Variants in LRMDA observed in about 807,000 individuals in gnomAD.
LRMDA encodes the protein leucine rich melanocyte differentiation associated.
Under a neutral mutation model 29.8 loss-of-function variants are expected in LRMDA, and 18 were observed. The observed-to-expected ratio is 0.60, with a 90% CI of 0.42 to 0.90. The LOEUF is 0.90. Ranked by LOEUF, LRMDA falls within the 40% of genes least tolerant of loss-of-function variation. The pLI, the probability that LRMDA is intolerant of heterozygous loss-of-function variation, is 0.00. For missense variants in LRMDA, 273 were observed against 273.9 expected (o/e 1.00, Z 0.02); for synonymous variants, 125 against 109.4 (o/e 1.14, Z -0.89).
chr10:76,162,507 C>A (rs544637887), intron 5 of LRMDA, among the ~76,000 whole-genome samples: 12 of 152,228 alleles, frequency 7.9e-5, no homozygotes, highest in African/African-American at 2.6e-4. Context: ...ACACAGCCAT[C>A]GGCTTCTGGG....
At chr10:75,520,764 C>G (rs1205607033) in intron 2 of LRMDA, among the ~76,000 whole-genome samples, 3 of 152,186 alleles carry the variant, frequency 2.0e-5, no homozygotes, top group Non-Finnish European at 2.9e-5. Flanking sequence ...AAGAGGTGCT[C>G]TGGTTTTTAG....
At chr10:75,575,588 C>CA (rs1840493402) in intron 2 of LRMDA, among the ~76,000 whole-genome samples, 1 of 152,156 alleles carries the variant, frequency 6.6e-6, no homozygotes, top group South Asian at 2.1e-4. Context: ...TCAGGATGGC[C>CA]AAATAGGAAC....
intron 6 of LRMDA, among the ~76,000 whole-genome samples, chr10:76,447,892 G>A (rs1036317329): frequency 6.6e-6 from 1 of 152,096 alleles, no homozygotes; most frequent in Non-Finnish European, 1.5e-5. Context: ...TACTTTTCCA[G>A]TGTATAAGAG....
chr10:75,697,850 T>TGTGTGTGTGTGTGCACGC lies in LRMDA; in HGVS notation c.131+259357_131+259358insTGTGTGTGTGTGCACGCG, dbSNP rs10664076. On this transcript the variant is annotated intron_variant, in intron 2 of 6. Transcript: ENST00000611255. ...GCATGTAAGAGTGTGTGTGTGTGTG[T>TGTGTGTGTGTGTGCACGC]GCGTGTGTGTGTGTGTCTCATTCGC... Among the ~76,000 whole-genome samples the TGTGTGTGTGTGTGCACGC allele has an allele frequency of 2.0e-3, 310 of 151,702 alleles. 1 individual carries two copies. The highest frequency in any genetic ancestry group is 5.7e-3 in the African/African-American group (235 of 41,204).
chr10:76,224,251 A>G (rs1261181456), intron 5 of LRMDA, among the ~76,000 whole-genome samples: 1 of 151,812 alleles, frequency 6.6e-6, no homozygotes, highest in Non-Finnish European at 1.5e-5. Context: ...CACTTGAGGA[A>G]CTGGGTATGT....
intron 2 of LRMDA, among the ~76,000 whole-genome samples, chr10:75,785,490 T>A (rs1430573065): frequency 6.6e-6 from 1 of 152,198 alleles, no homozygotes; most frequent in Non-Finnish European, 1.5e-5. Context: ...ATGGCTATAT[T>A]TGAGAATTTC....
chr10:75,866,280 G>A (rs987201038), intron 2 of LRMDA, among the ~76,000 whole-genome samples: 1 of 152,212 alleles, frequency 6.6e-6, no homozygotes, highest in South Asian at 2.1e-4. Context: ...GCACAGAATT[G>A]TGGCACAGCA....
intron 5 of LRMDA, among the ~76,000 whole-genome samples, chr10:76,282,108 A>G (rs1368296703): frequency 6.6e-6 from 1 of 152,196 alleles, no homozygotes; most frequent in Non-Finnish European, 1.5e-5. Flanking sequence ...TATTTTGTGT[A>G]AATCTGTCGG....
chr10:75,643,611 AC>A (rs2132121265), intron 2 of LRMDA, among the ~76,000 whole-genome samples: 1 of 152,306 alleles, frequency 6.6e-6, no homozygotes, highest in Admixed American at 6.5e-5. Context: ...GATGTGTGAT[AC>A]CCATCTTTGG....
chr10:75,790,719 G>A (rs998449984), intron 2 of LRMDA, among the ~76,000 whole-genome samples: 16 of 152,320 alleles, frequency 1.1e-4, no homozygotes, highest in Admixed American at 7.2e-4. Flanking sequence ...TGTGGAGAAC[G>A]TGAACCAGTC....
chr10:75,809,390 T>C (rs1843916708), intron 2 of LRMDA, among the ~76,000 whole-genome samples: 3 of 152,186 alleles, frequency 2.0e-5, no homozygotes, highest in Admixed American at 2.0e-4. Context: ...ATGCCTGTAA[T>C]CCCAGCACTT....
At chr10:75,544,187 A>G (rs1840051102) in intron 2 of LRMDA, among the ~76,000 whole-genome samples, 1 of 152,230 alleles carries the variant, frequency 6.6e-6, no homozygotes, top group Non-Finnish European at 1.5e-5. Flanking sequence ...GAGAAAAGAT[A>G]CAGATTAGTA....
chr10:75,575,195 A>G (rs772387023), intron 2 of LRMDA, among the ~76,000 whole-genome samples: 4 of 152,204 alleles, frequency 2.6e-5, no homozygotes, highest in Admixed American at 2.0e-4. Context: ...CCCTGCCTAC[A>G]GCATTTGAGA....
At chr10:75,996,583 G>C (rs751783555) in intron 2 of LRMDA, among the ~76,000 whole-genome samples, 53 of 152,282 alleles carry the variant, frequency 3.5e-4, no homozygotes, top group African/African-American at 1.3e-3. Context: ...CAAATGTTTC[G>C]ATACTAGCAA....
chr10:75,738,697 A>G (rs1842794791), intron 2 of LRMDA, among the ~76,000 whole-genome samples: 1 of 152,192 alleles, frequency 6.6e-6, no homozygotes, highest in South Asian at 2.1e-4. Context: ...CAAGTGCCCC[A>G]CGTTTGCCTG....
At chr10:75,837,067 T>C (rs1337626170) in intron 2 of LRMDA, among the ~76,000 whole-genome samples, 1 of 152,194 alleles carries the variant, frequency 6.6e-6, no homozygotes, top group Non-Finnish European at 1.5e-5. Context: ...TATATTGATA[T>C]ACTGATATTG....
intron 6 of LRMDA, among the ~76,000 whole-genome samples, chr10:76,382,013 T>C (rs1841598834): frequency 6.6e-6 from 1 of 152,206 alleles, no homozygotes; most frequent in African/African-American, 2.4e-5. Context: ...ATAGAAACGT[T>C]GTCCATCATG....
intron 6 of LRMDA, among the ~76,000 whole-genome samples, chr10:76,540,778 T>C (rs1589230501): frequency 6.6e-6 from 1 of 152,312 alleles, no homozygotes; most frequent in Non-Finnish European, 1.5e-5. Context: ...AGCATGTGTA[T>C]TTGTTTTGTT....
intron 5 of LRMDA, among the ~76,000 whole-genome samples, chr10:76,275,172 A>G (rs533733175): frequency 6.6e-6 from 1 of 152,250 alleles, no homozygotes; most frequent in Non-Finnish European, 1.5e-5. Context: ...ATTTACATAT[A>G]TATAGAAATA....
Sources: allele counts gnomAD v4.1 joint callset (sites outside exome capture counted in the v4.1 genomes callset), GRCh38; gene constraint gnomAD v4.1.1; transcripts MANE v1.5; gene names NCBI Gene and HGNC (gene_info 2026-07-23, HGNC 2026-07-21).